IGDCC3: variants seen among roughly 807,000 people sequenced by gnomAD.
IGDCC3 encodes immunoglobulin superfamily DCC subclass member 3, also known as putative neuronal cell adhesion molecule.
IGDCC3 carries 47 observed loss-of-function variants against 72.0 expected under a neutral mutation model. The ratio of observed to expected loss-of-function variants is 0.65; its 90% CI spans 0.52 to 0.83. The LOEUF (loss-of-function observed/expected upper bound fraction) is 0.83, where lower values mean the gene tolerates loss of function less well. Ranked by LOEUF, IGDCC3 falls within the 40% of genes least tolerant of loss-of-function variation. The pLI is 0.00. For synonymous variants in IGDCC3, 477 were observed against 472.8 expected, an observed-to-expected ratio of 1.01 and a Z score of -0.11; for missense variants, 1,038 against 1,091.3, an observed-to-expected ratio of 0.95 and a Z score of 0.69.
At chr15:65,374,282 T>C (rs1422093985) in intron 2 of IGDCC3, among the ~76,000 whole-genome samples, 1 of 152,188 alleles carries the variant, frequency 6.6e-6, no homozygotes, top group Admixed American at 6.5e-5. Context: ...TTTTCAGCCA[T>C]GACCCCACTG....
chr15:65,371,669 C>T (rs778493331), intron 2 of IGDCC3, among the ~76,000 whole-genome samples: 6 of 152,328 alleles, frequency 3.9e-5, no homozygotes, highest in Middle Eastern at 3.4e-3. Context: ...CACCCCAGTT[C>T]CCCAAGAGAC....
At chr15:65,369,727 C>T (rs538130355) in intron 2 of IGDCC3, among the ~76,000 whole-genome samples, 1 of 152,246 alleles carries the variant, frequency 6.6e-6, no homozygotes, top group African/African-American at 2.4e-5. Flanking sequence ...AACTAACCTC[C>T]AGGTGATAGA....
chr15:65,370,170 T>A (rs2091313814), intron 2 of IGDCC3, among the ~76,000 whole-genome samples: 1 of 152,046 alleles, frequency 6.6e-6, no homozygotes, highest in African/African-American at 2.4e-5. Flanking sequence ...AAGGAGCTCA[T>A]AATTTAACAT....
At chr15:65,333,518 AG>A in intron 5 of IGDCC3, 103 bp from the exon 6 acceptor site, 2 of 1,113,294 alleles carry the variant, frequency 1.8e-6, no homozygotes, top group South Asian at 1.7e-5. Context: ...CCTGTCTTCT[AG>A]GGAGCCCCAG....
At chr15:65,365,897 C>G (rs1359332874) in intron 2 of IGDCC3, among the ~76,000 whole-genome samples, 1 of 152,054 alleles carries the variant, frequency 6.6e-6, no homozygotes, top group African/African-American at 2.4e-5. Context: ...TAGTGAGACC[C>G]TCATCTCTAC....
chr15:65,365,562 TCA>T (rs1288515511), intron 2 of IGDCC3, among the ~76,000 whole-genome samples: 1 of 152,134 alleles, frequency 6.6e-6, no homozygotes, highest in Non-Finnish European at 1.5e-5. Flanking sequence ...CCCAGGGTTC[TCA>T]GATTCCTTTC....
In IGDCC3 at chr15:65,340,708, G is replaced by A. The variant is rs377150476; in HGVS notation, c.410-4752C>T. Reference sequence around the variant, plus strand: ...TCACTGTACCCAACTTTTCCCTTTAGAACCACATTTTCTTTTTCTTTCTTT... The same window carrying A: ...TCACTGTACCCAACTTTTCCCTTTAAAACCACATTTTCTTTTTCTTTCTTT... On this transcript the variant is annotated intron_variant, in intron 2 of 13. Coordinates refer to ENST00000327987, the MANE Select transcript of IGDCC3 (RefSeq NM_004884.4). Among the ~76,000 whole-genome samples the A allele has an allele frequency of 2.2e-3, 342 of 152,180 alleles. 3 individuals carry two copies. The highest frequency in any genetic ancestry group is 7.4e-3 in the African/African-American group (307 of 41,538).
chr15:65,331,729 A>T, intron 7 of IGDCC3, 70 bp from the exon 8 acceptor site: 1 of 1,494,582 alleles, frequency 6.7e-7, no homozygotes, highest in South Asian at 1.3e-5. Flanking sequence ...CATTTGAAAG[A>T]TGGAGAAACT....
chr15:65,333,357 G>A lies in IGDCC3; in HGVS notation c.882C>T (p.Ile294=). The change falls in exon 6 of 14, where the codon ATC becomes ATT. Residue 294 remains isoleucine (I), a synonymous_variant. Coordinates refer to ENST00000327987, the MANE Select transcript of IGDCC3 (RefSeq NM_004884.4). ...IQVLGTGNLI[I]SDVTVQHSGV... Reference sequence around the variant, plus strand: ...CAGAGTGCTGGACCGTCACGTCTGAGATGATGAGGTTTCCTGTGCCCAGCA... The same window carrying A: ...CAGAGTGCTGGACCGTCACGTCTGAAATGATGAGGTTTCCTGTGCCCAGCA... 2 of 1,612,630 alleles carry A rather than the reference G, an allele frequency of 1.2e-6. No individual in the cohort carries two copies. Among genetic ancestry groups the A allele is most frequent in the African/African-American group, 1.3e-5 (1 of 74,998 alleles).
intron 2 of IGDCC3, among the ~76,000 whole-genome samples, chr15:65,345,558 G>GCACACACACA (rs139591852): frequency 1.4e-5 from 2 of 145,758 alleles, no homozygotes; most frequent in Non-Finnish European, 3.0e-5. Flanking sequence ...TGTCTCACAC[G>GCACACACACA]CACACACACA....
In IGDCC3 at chr15:65,339,732, T is replaced by C. The variant is rs140109652; in HGVS notation, c.410-3776A>G. Among the ~76,000 whole-genome samples the C allele has an allele frequency of 2.8e-3, 433 of 152,290 alleles. 6 individuals are homozygous for C. Among genetic ancestry groups the C allele is most frequent in the South Asian group, 0.013 (65 of 4,828 alleles). ...GTACAGACCAGCTAGTGTATTAGCA[T>C]TGAGTATTTATGTCTGGTGTTGGTG... On this transcript the variant is annotated intron_variant, in intron 2 of 13. Transcript: ENST00000327987. This position sits in a 1 kb window ranked among gnomAD's most constrained non-coding sequence, Gnocchi z 4.1.
intron 1 of IGDCC3, 123 bp from the exon 2 acceptor site, chr15:65,375,525 G>C: frequency 1.4e-6 from 1 of 727,072 alleles, no homozygotes; most frequent in South Asian, 2.0e-5. Flanking sequence ...CCATGTTTCT[G>C]TAATGTTAAT....
At chr15:65,357,879 C>G (rs888164255) in intron 2 of IGDCC3, among the ~76,000 whole-genome samples, 15 of 152,324 alleles carry the variant, frequency 9.8e-5, no homozygotes, top group African/African-American at 3.6e-4. Flanking sequence ...TTAGACCTAT[C>G]TGCCTAGTTA....
chr15:65,368,993 C>T (rs2091306571), intron 2 of IGDCC3, among the ~76,000 whole-genome samples: 1 of 152,104 alleles, frequency 6.6e-6, no homozygotes, highest in African/African-American at 2.4e-5. Context: ...AGAAAGAAGC[C>T]CTTTAGGAGC....
intron 2 of IGDCC3, among the ~76,000 whole-genome samples, chr15:65,346,392 G>A (rs1257461115): frequency 6.6e-6 from 1 of 152,220 alleles, no homozygotes; most frequent in Non-Finnish European, 1.5e-5. Context: ...CTGTTGTGGG[G>A]GGATTGGGAG....
rs2090942802 is a variant in IGDCC3 at position 65,328,541 on chromosome 15, G to A, written c.*368C>T. On this transcript the variant is annotated 3_prime_UTR_variant, in exon 14 of 14. Coordinates refer to ENST00000327987, the MANE Select transcript of IGDCC3 (RefSeq NM_004884.4). ...ACAGTGTCAGGGCCCAGCTACAGCA[G>A]GGTCATCTTTTGGAGTCTAATTCAC... The A allele has an allele frequency of 5.6e-6, 1 of 177,358 alleles. No homozygotes were observed. Among genetic ancestry groups the A allele is most frequent in the Non-Finnish European group, 1.2e-5 (1 of 84,876 alleles). 11.0% of individuals were successfully genotyped at this position (177,358 alleles called of 1,614,324 possible).
At chr15:65,341,020 T>TGCCCG (rs1453041710) in intron 2 of IGDCC3, among the ~76,000 whole-genome samples, 2 of 152,240 alleles carry the variant, frequency 1.3e-5, no homozygotes, top group Non-Finnish European at 2.9e-5. Flanking sequence ...TGAGCCACCA[T>TGCCCG]GCCCGGCCCA....
intron 2 of IGDCC3, among the ~76,000 whole-genome samples, chr15:65,351,229 T>C (rs762736785): frequency 2.0e-5 from 3 of 152,236 alleles, no homozygotes; most frequent in Non-Finnish European, 4.4e-5. Flanking sequence ...TGTAAAGGGT[T>C]ATAAAAGGTT....
Position 65,377,232 on chromosome 15 carries a change from T to C in IGDCC3, c.103+454A>G, listed in dbSNP as rs2091364310. Among the ~76,000 whole-genome samples, 1 of 152,142 alleles carries C rather than the reference T, an allele frequency of 6.6e-6. No homozygotes were observed. The highest frequency in any genetic ancestry group is 1.5e-5 in the Non-Finnish European group (1 of 68,014). On this transcript the variant is annotated intron_variant, in intron 1 of 13. Transcript: ENST00000327987. This position sits in a 1 kb window ranked among gnomAD's most constrained non-coding sequence, Gnocchi z 4.9. ...TGCAGGTCGTGCCATCTCCGCCCAG[T>C]GCAGCCGTCAGAGTCCCGGTCTCCG...
Sources: allele counts gnomAD v4.1 joint callset (sites outside exome capture counted in the v4.1 genomes callset), GRCh38; gene constraint gnomAD v4.1.1; non-coding constraint Gnocchi (gnomAD v3.1); transcripts MANE v1.5; gene names NCBI Gene and HGNC (gene_info 2026-07-23, HGNC 2026-07-21).